The following BDP1 variants were observed in gnomAD, a reference collection of about 807,000 sequenced individuals.
BDP1 encodes BDP1 general transcription factor IIIB subunit, also known as transcription factor TFIIIB component B'' homolog.
A neutral mutation model predicts 266.6 loss-of-function variants in BDP1; 169 were observed. The ratio of observed to expected loss-of-function variants is 0.63; its 90% CI spans 0.56 to 0.72. The LOEUF is 0.72. Ranked by LOEUF, BDP1 falls within the 30% of genes least tolerant of loss-of-function variation. BDP1 has a pLI of 0.00. For synonymous variants in BDP1, 1,090 were observed against 1,022.4 expected (o/e 1.07, Z -1.26); for missense variants, 3,015 against 3,053.8 (o/e 0.99, Z 0.30).
chr5:71,491,610 G>C (rs1310557519), intron 11 of BDP1, among the ~76,000 whole-genome samples: 1 of 151,992 alleles, frequency 6.6e-6, no homozygotes, highest in African/African-American at 2.4e-5. Context: ...CTGATCTCTG[G>C]AATTTTTTTT....
chr5:71,542,870 A>T lies in BDP1; in HGVS notation c.6412+605A>T, dbSNP rs139885872. Among the ~76,000 whole-genome samples the T allele has an allele frequency of 5.7e-3, 862 of 151,922 alleles. 8 individuals are homozygous for T. Among genetic ancestry groups the T allele is most frequent in the African/African-American group, 0.019 (798 of 41,442 alleles). On this transcript the variant is annotated intron_variant, in intron 30 of 38. Transcript: ENST00000358731. ...ATGATAAAATGGGCTGGAGAAAATTAAAAAAAAATTGTTTTTTCTGTTTTT... is the reference window on the plus strand; with the variant it reads ...ATGATAAAATGGGCTGGAGAAAATTTAAAAAAAATTGTTTTTTCTGTTTTT...
At chr5:71,470,072 C>T (rs1318201226) in intron 6 of BDP1, among the ~76,000 whole-genome samples, 5 of 151,440 alleles carry the variant, frequency 3.3e-5, no homozygotes, top group African/African-American at 1.2e-4. Context: ...AACTCCTGAC[C>T]TTAGGTGACC....
intron 19 of BDP1, among the ~76,000 whole-genome samples, chr5:71,513,799 A>G (rs902662668): frequency 1.3e-4 from 20 of 151,902 alleles, no homozygotes; most frequent in Admixed American, 7.2e-4. Flanking sequence ...GGCTCACTGC[A>G]ACTTCCACCT....
At chr5:71,539,110 C>T (rs761341623) in intron 27 of BDP1, 32 bp downstream of exon 27, 2 of 1,459,524 alleles carry the variant, frequency 1.4e-6, no homozygotes, top group South Asian at 2.3e-5. Context: ...GCTAAGACTA[C>T]CTTGATTAAC....
In BDP1 at chr5:71,511,031, A is replaced by G. The variant is rs1365129521; in HGVS notation, c.3939A>G (p.Lys1313=). Residue 1313 remains lysine (K), a synonymous_variant, in exon 17 of 39, where the codon AAA becomes AAG. Transcript: ENST00000358731. ...TGGCAGAATTGAAACAAACTGGAAAAACAGACATTTCTCCAAGGGAAAACG... is the reference window on the plus strand; with the variant it reads ...TGGCAGAATTGAAACAAACTGGAAAGACAGACATTTCTCCAAGGGAAAACG... The part of the protein sequence containing the change: ...EKVAELKQTG[K]TDISPRENEL... 6.2e-7 allele frequency: 1 copy of G among 1,614,034 alleles called. No individual in the cohort carries two copies. Among genetic ancestry groups the G allele is most frequent in the African/African-American group, 1.3e-5 (1 of 74,912 alleles).
chr5:71,575,212 G>A, the BDP1 span, among the ~76,000 whole-genome samples: 1 of 152,194 alleles, frequency 6.6e-6, no homozygotes, highest in Non-Finnish European at 1.5e-5. Context: ...CAGTGGAAAA[G>A]GTCTGGGGAG....
intron 7 of BDP1, among the ~76,000 whole-genome samples, chr5:71,473,916 T>C (rs1273355199): frequency 6.6e-6 from 1 of 151,536 alleles, no homozygotes; most frequent in Non-Finnish European, 1.5e-5. Flanking sequence ...TTTTCTAGCT[T>C]CTTAAGATGA....
chr5:71,465,268 T>C (rs145097356), intron 4 of BDP1, among the ~76,000 whole-genome samples: 1 of 151,940 alleles, frequency 6.6e-6, no homozygotes, highest in Non-Finnish European at 1.5e-5. Context: ...TATATAACTA[T>C]AAGCATTATT....
intron 36 of BDP1, among the ~76,000 whole-genome samples, chr5:71,557,915 A>G (rs1021660947): frequency 2.6e-5 from 4 of 152,176 alleles, no homozygotes; most frequent in Admixed American, 6.5e-5. Flanking sequence ...TAAGCCACCT[A>G]TGGAAGCTGA....
rs1763739712 is a variant in BDP1, at chr5:71,494,021, A to G, written c.1641-1229A>G. On this transcript the variant is annotated intron_variant, in intron 11 of 38. Transcript: ENST00000358731. The stretch of plus-strand genomic sequence containing the variant: ...TCTTTGTAATGTGAAGGCCTCAGGT[A>G]AGACATTTCTATTAAGACGTAGAAA... Among the ~76,000 whole-genome samples the G allele has an allele frequency of 2.0e-5, 3 of 152,244 alleles. No homozygotes were observed. The South Asian group carries it at 6.2e-4, about 31-fold the overall frequency.
chr5:71,521,731 G>A (rs916829278), intron 22 of BDP1, among the ~76,000 whole-genome samples: 1 of 152,132 alleles, frequency 6.6e-6, no homozygotes, highest in Non-Finnish European at 1.5e-5. Context: ...TTGTTATTTG[G>A]CAGATACAGA....
At position 71,560,164 on chromosome 5, in the gene BDP1, G is replaced by C; in HGVS notation, c.7423G>C (p.Glu2475Gln). The C allele has an allele frequency of 6.2e-7, 1 of 1,614,170 alleles. No homozygotes were observed. The highest frequency in any genetic ancestry group is 8.5e-7 in the Non-Finnish European group (1 of 1,180,016). Reference sequence around the variant, plus strand: ...TGAAATGATTGTGTCTGATAAGGAAGAAAGAACTGATGCTGCTCCTAAGTC... The same window carrying C: ...TGAAATGATTGTGTCTGATAAGGAACAAAGAACTGATGCTGCTCCTAAGTC... ...QDEMIVSDKE[E>Q]RTDAAPKSQQ... is the part of the protein sequence containing the mutation. Residue 2475 changes from glutamate (E) to glutamine (Q), a missense_variant, in exon 37 of 39, where the codon GAA becomes CAA. By Grantham distance (29) the Glu-to-Gln change is conservative (BLOSUM62 2). Coordinates refer to ENST00000358731, the MANE Select transcript of BDP1 (RefSeq NM_018429.3).
Position 71,562,312 on chromosome 5 carries a change from G to A in BDP1, c.7535G>A (p.Cys2512Tyr). ...CCCCTGGGATTTTTATCTTTAATAT[G>A]CTCAAAGAATAGTTTGGAGTCTGAT... ...RRPLGFLSLI[C>Y]SKNSLESDEP... The change falls in exon 38 of 39, where the codon TGC (cysteine) becomes TAC (tyrosine). Residue 2512 changes from cysteine to tyrosine, a missense_variant. Physicochemically the swap from Cys to Tyr is radical, Grantham distance 194 (BLOSUM62 -2). Transcript: ENST00000358731. The A allele has an allele frequency of 6.2e-7, 1 of 1,607,464 alleles. No individual in the cohort carries two copies. Among genetic ancestry groups the A allele is most frequent in the Non-Finnish European group, 8.5e-7 (1 of 1,177,028 alleles).
intron 6 of BDP1, among the ~76,000 whole-genome samples, chr5:71,469,570 G>A (rs1037584663): frequency 1.3e-5 from 2 of 151,970 alleles, no homozygotes; most frequent in African/African-American, 4.8e-5. Flanking sequence ...CAGCTAGGCA[G>A]AATGAATGTT....
chr5:71,514,290 T>C (rs1321505948), intron 19 of BDP1, among the ~76,000 whole-genome samples: 1 of 152,222 alleles, frequency 6.6e-6, no homozygotes. Context: ...ACATTTGTAC[T>C]ATTTCTCCTA....
At chr5:71,479,629 C>T (rs895276723) in intron 7 of BDP1, among the ~76,000 whole-genome samples, 8 of 151,876 alleles carry the variant, frequency 5.3e-5, no homozygotes, top group African/African-American at 1.7e-4. Context: ...TCACTGCAAG[C>T]TCCGCCTCCC....
In BDP1 at chr5:71,566,011, C is replaced by T; in HGVS notation, c.*1126C>T. 1 of 221,534 alleles carries T rather than the reference C, an allele frequency of 4.5e-6. No individual in the cohort carries two copies. The highest frequency in any genetic ancestry group is 1.6e-4 in the East Asian group (1 of 6,450). The allele number at this position is 221,534 out of a possible 1,614,324, so 13.7% of individuals were successfully genotyped here. A position where few individuals can be genotyped will look rare whatever the true frequency, so the allele number is the denominator to read the frequency against. On this transcript the variant is annotated 3_prime_UTR_variant, in exon 39 of 39. Coordinates refer to ENST00000358731, the MANE Select transcript of BDP1 (RefSeq NM_018429.3). ...AAGGCATTAAATTTATGTTTGTCTC[C>T]TTTTTCTGTTTAATTTTAAAGATAT...
At position 71,522,532 on chromosome 5, in the gene BDP1, T is replaced by C. The variant is rs185198232; in HGVS notation, c.5193+42T>C. 5 of 1,498,070 alleles carry C rather than the reference T, an allele frequency of 3.3e-6. No homozygotes were observed. The East Asian group carries it at 1.1e-4, about 34-fold the overall frequency. The allele number at this position is 1,498,070 out of a possible 1,614,324, so 92.8% of individuals were successfully genotyped here. A position where few individuals can be genotyped will look rare whatever the true frequency, so the allele number is the denominator to read the frequency against. ...AAAAAAAAAAAATTTTTTTTCTCAA[T>C]GAGGTCTGTTTTGTCAAGATCATGA... On this transcript the variant is annotated intron_variant, in intron 23 of 38. Transcript: ENST00000358731.
At chr5:71,568,951 T>A (rs371518199), downstream of BDP1, among the ~76,000 whole-genome samples, 2 of 152,368 alleles carry the variant, frequency 1.3e-5, no homozygotes, top group African/African-American at 2.4e-5. Context: ...TTAATTTTTC[T>A]TACTGGAATG....
Sources: allele counts gnomAD v4.1 joint callset (sites outside exome capture counted in the v4.1 genomes callset), GRCh38; gene constraint gnomAD v4.1.1; transcripts MANE v1.5; gene names NCBI Gene and HGNC (gene_info 2026-07-23, HGNC 2026-07-21).